The following KLHL5 variants were observed in gnomAD, a reference collection of about 807,000 sequenced individuals.
KLHL5 encodes the protein kelch like family member 5.
KLHL5 carries 48 observed loss-of-function variants against 77.7 expected under a neutral mutation model. The ratio of observed to expected loss-of-function variants is 0.62; its 90% CI spans 0.49 to 0.79. The LOEUF (loss-of-function observed/expected upper bound fraction) is 0.79, where lower values mean the gene tolerates loss of function less well. Ranked by LOEUF, KLHL5 falls within the 30% of genes least tolerant of loss-of-function variation. KLHL5 has a pLI of 0.00. For missense variants in KLHL5, 723 were observed against 859.7 expected (o/e 0.84, Z 1.99); for synonymous variants, 260 against 297.0 (o/e 0.88, Z 1.28).
At chr4:39,101,446 AT>A (rs1473633887) in intron 6 of KLHL5, among the ~76,000 whole-genome samples, 1 of 151,686 alleles carries the variant, frequency 6.6e-6, no homozygotes, top group Non-Finnish European at 1.5e-5. Context: ...ATGTAAGCAT[AT>A]GAGTAAAAAA....
intron 6 of KLHL5, among the ~76,000 whole-genome samples, chr4:39,102,658 A>T (rs181298396): frequency 6.6e-6 from 1 of 152,082 alleles, no homozygotes; most frequent in Admixed American, 6.6e-5. Flanking sequence ...TTTCCTCTCA[A>T]CCAGATCCTT....
Position 39,086,737 on chromosome 4 carries a change from A to G in KLHL5, c.1113+10A>G, listed in dbSNP as rs781759465. ...TCTTCTTGCACCACAGGTAATTAAT[A>G]GGCACTTGTTTATAGGAATTTTTCT... On this transcript the variant is annotated intron_variant, in intron 5 of 10. Coordinates refer to ENST00000504108, the MANE Select transcript of KLHL5 (RefSeq NM_015990.5). 5 of 1,592,022 alleles carry G rather than the reference A, an allele frequency of 3.1e-6. No individual in the cohort carries two copies. In the Admixed American group the frequency reaches 6.7e-5, roughly 21 times the overall value.
chr4:39,067,483 TAAC>T (rs1717993264), intron 1 of KLHL5, among the ~76,000 whole-genome samples: 1 of 152,120 alleles, frequency 6.6e-6, no homozygotes, highest in Non-Finnish European at 1.5e-5. Flanking sequence ...TTCATGCTCT[TAAC>T]AAACACTGTA....
chr4:39,065,280 C>G (rs1341819842), intron 1 of KLHL5, among the ~76,000 whole-genome samples: 1 of 151,870 alleles, frequency 6.6e-6, no homozygotes, highest in Non-Finnish European at 1.5e-5. Context: ...AGCAGTCAGA[C>G]TTCTCTAAGT....
Position 39,121,034 on chromosome 4 carries a change from G to A in KLHL5, c.2098G>A (p.Ala700Thr). ...GGTTGCTCCACTGTGCCTAGGAAGA[G>A]CTGGAGCTTGTGTTGTGACTGTAAA... Reference protein sequence around the residue: ...TQVAPLCLGRAGACVVTVKL With the variant: ...TQVAPLCLGRTGACVVTVKL The change falls in exon 11 of 11, where the codon GCT (alanine) becomes ACT (threonine). Residue 700 changes from alanine to threonine, a missense_variant. Physicochemically the swap from Ala to Thr is moderately conservative, Grantham distance 58 (BLOSUM62 0). Transcript: ENST00000504108. 1 of 1,613,446 alleles carries A rather than the reference G, an allele frequency of 6.2e-7. No individual in the cohort carries two copies. The highest frequency in any genetic ancestry group is 8.5e-7 in the Non-Finnish European group (1 of 1,179,484).
At position 39,122,315 on chromosome 4, in the gene KLHL5, G is replaced by A. The variant is rs1723254510; in HGVS notation, c.*1249G>A. Reference sequence around the variant, plus strand: ...TTGTGAACTAGGAATCAAAGTTTTTGTATGCATCAATGCACTTAATCCTTA... The same window carrying A: ...TTGTGAACTAGGAATCAAAGTTTTTATATGCATCAATGCACTTAATCCTTA... On this transcript the variant is annotated 3_prime_UTR_variant, in exon 11 of 11. Coordinates refer to ENST00000504108, the MANE Select transcript of KLHL5 (RefSeq NM_015990.5). 1 of 152,126 alleles carries A rather than the reference G, an allele frequency of 6.6e-6. No homozygotes were observed. The highest frequency in any genetic ancestry group is 6.5e-5 in the Admixed American group (1 of 15,276). 9.4% of individuals were successfully genotyped at this position (152,126 alleles called of 1,614,324 possible). A position where few individuals can be genotyped will look rare whatever the true frequency, so the allele number is the denominator to read the frequency against.
chr4:39,099,213 G>A (rs532726482), intron 6 of KLHL5, among the ~76,000 whole-genome samples: 2 of 152,228 alleles, frequency 1.3e-5, no homozygotes, highest in South Asian at 2.1e-4. Flanking sequence ...ACTTGAACCC[G>A]GGAGGTGGAG....
chr4:39,138,140 A>G, the KLHL5 span, among the ~76,000 whole-genome samples: 1 of 150,792 alleles, frequency 6.6e-6, no homozygotes, highest in Non-Finnish European at 1.5e-5. Flanking sequence ...AAAAGCACTT[A>G]TGCACTGTTG....
chr4:39,107,474 T>C, intron 7 of KLHL5, 95 bp from the exon 8 acceptor site: 1 of 893,792 alleles, frequency 1.1e-6, no homozygotes. Flanking sequence ...TCTATTTGTA[T>C]GTTTAAGGCT....
At chr4:39,140,051 AC>A in the KLHL5 span, among the ~76,000 whole-genome samples, 1 of 152,046 alleles carries the variant, frequency 6.6e-6, no homozygotes, top group Non-Finnish European at 1.5e-5. Context: ...ACATGGCAAA[AC>A]CCCATCTCTA....
At chr4:39,071,038 T>A (rs1718429156) in intron 1 of KLHL5, among the ~76,000 whole-genome samples, 1 of 152,154 alleles carries the variant, frequency 6.6e-6, no homozygotes, top group Non-Finnish European at 1.5e-5. Context: ...AAGCTTCTAT[T>A]TATATTTTAT....
At chr4:39,131,887 CAAAA>C in the KLHL5 span, among the ~76,000 whole-genome samples, 9 of 114,480 alleles carry the variant, frequency 7.9e-5, no homozygotes, top group Admixed American at 8.8e-5. Flanking sequence ...GACCCTGTCT[CAAAA>C]AAAAAAAAAA....
At chr4:39,061,053 T>C (rs1577640886), upstream of KLHL5, among the ~76,000 whole-genome samples, 1 of 152,328 alleles carries the variant, frequency 6.6e-6, no homozygotes, top group Non-Finnish European at 1.5e-5. Context: ...TCATTCTACC[T>C]AAACAATGTT....
At chr4:39,048,897 C>T (rs1553885609) in intron 1 of KLHL5, among the ~76,000 whole-genome samples, 1 of 152,142 alleles carries the variant, frequency 6.6e-6, no homozygotes, top group Non-Finnish European at 1.5e-5. Context: ...CTGCCTCAGC[C>T]TCCCAAAGTG....
intron 1 of KLHL5, chr4:39,063,441 T>TG (rs1717611409): frequency 1.1e-5 from 3 of 282,828 alleles, no homozygotes; most frequent in Non-Finnish European, 1.5e-5. Context: ...GATAGAGTCA[T>TG]TTTTTAATTT....
chr4:39,134,424 A>G, the KLHL5 span, among the ~76,000 whole-genome samples: 1 of 152,232 alleles, frequency 6.6e-6, no homozygotes, highest in Non-Finnish European at 1.5e-5. Flanking sequence ...ATTCCCAGTT[A>G]ATGATACGCA....
chr4:39,092,712 T>G (rs1720698772), intron 5 of KLHL5, among the ~76,000 whole-genome samples: 1 of 152,210 alleles, frequency 6.6e-6, no homozygotes. Flanking sequence ...ACCACCAACT[T>G]TTTTATAGTG....
chr4:39,115,903 A>G (rs1722799816), intron 10 of KLHL5: 1 of 989,640 alleles, frequency 1.0e-6, no homozygotes. Context: ...CTTTGCTTCC[A>G]TCATCACCAA....
intron 4 of KLHL5, among the ~76,000 whole-genome samples, chr4:39,082,940 TCA>T (rs890266155): frequency 1.3e-5 from 2 of 152,118 alleles, no homozygotes; most frequent in Non-Finnish European, 2.9e-5. Context: ...AGTTAGTTCT[TCA>T]CACCTGGGCA....
Sources: gnomAD v4.1 joint callset for allele counts (sites outside exome capture counted in the v4.1 genomes callset) on GRCh38, gnomAD v4.1.1 for gene constraint, MANE v1.5 for transcripts, NCBI Gene and HGNC (gene_info 2026-07-23, HGNC 2026-07-21) for gene names.